Variants in GRIN2A observed in about 807,000 individuals in gnomAD.
The protein encoded by GRIN2A is glutamate ionotropic receptor NMDA type subunit 2A.
GRIN2A carries 22 observed loss-of-function variants against 113.4 expected under a neutral mutation model. The observed-to-expected ratio is 0.19, with a 90% CI of 0.14 to 0.28. The LOEUF is 0.28. Ranked by LOEUF, GRIN2A falls within the 10% of genes least tolerant of loss-of-function variation. GRIN2A has a pLI of 1.00. For synonymous variants in GRIN2A, 827 were observed against 738.4 expected, an observed-to-expected ratio of 1.12 and a Z score of -1.94; for missense variants, 1,502 against 1,887.0, an observed-to-expected ratio of 0.80 and a Z score of 3.78.
At chr16:10,088,589 A>G (rs987168312) in intron 2 of GRIN2A, among the ~76,000 whole-genome samples, 22 of 152,170 alleles carry the variant, frequency 1.4e-4, no homozygotes, top group Non-Finnish European at 3.1e-4. Flanking sequence ...TAGTGTCTGG[A>G]TATCATTAGC....
chr16:9,860,362 C>A (rs2043044121), intron 4 of GRIN2A, among the ~76,000 whole-genome samples: 1 of 143,766 alleles, frequency 7.0e-6, no homozygotes, highest in African/African-American at 2.6e-5. Flanking sequence ...GCATGAGAAT[C>A]ACTTGAACCC....
intron 9 of GRIN2A, 78 bp from the exon 10 acceptor site, chr16:9,822,502 T>G (rs1056843364): frequency 6.5e-6 from 6 of 926,422 alleles, no homozygotes; most frequent in Admixed American, 1.8e-5. Flanking sequence ...GAACAAATAA[T>G]AAATTAGTGA....
At chr16:10,170,735 G>T (rs561939212) in intron 2 of GRIN2A, among the ~76,000 whole-genome samples, 1 of 152,026 alleles carries the variant, frequency 6.6e-6, no homozygotes, top group South Asian at 2.1e-4. Context: ...AAATTAGCCG[G>T]ATATCATGGC....
chr16:9,766,045 A>T (rs1596379219), intron 12 of GRIN2A, among the ~76,000 whole-genome samples: 3 of 152,242 alleles, frequency 2.0e-5, no homozygotes, highest in African/African-American at 7.2e-5. Flanking sequence ...CGTCTGGAAC[A>T]TTTTGATCTG....
intron 2 of GRIN2A, among the ~76,000 whole-genome samples, chr16:10,083,573 T>G (rs904833077): frequency 1.3e-5 from 2 of 152,218 alleles, no homozygotes; most frequent in African/African-American, 4.8e-5. Context: ...TACTCCTGTC[T>G]GCATCCTGGA....
At chr16:9,915,673 A>G (rs139880037) in intron 3 of GRIN2A, among the ~76,000 whole-genome samples, 63 of 152,322 alleles carry the variant, frequency 4.1e-4, no homozygotes, top group Non-Finnish European at 6.9e-4. Context: ...GTACACCATC[A>G]ATGGAGGTAG....
At chr16:9,782,456 A>G (rs1901993114) in intron 11 of GRIN2A, among the ~76,000 whole-genome samples, 1 of 152,194 alleles carries the variant, frequency 6.6e-6, no homozygotes, top group Non-Finnish European at 1.5e-5. Context: ...TTTCCAAATT[A>G]AAGTGTTTAA....
chr16:9,869,572 C>G (rs1267881207), intron 4 of GRIN2A, among the ~76,000 whole-genome samples: 1 of 152,166 alleles, frequency 6.6e-6, no homozygotes, highest in Non-Finnish European at 1.5e-5. Context: ...TTGGAGTCAG[C>G]CACATCTGGA....
intron 2 of GRIN2A, chr16:10,112,030 T>C (rs2048625833): frequency 3.1e-6 from 2 of 638,464 alleles, no homozygotes; most frequent in Non-Finnish European, 5.7e-6. Flanking sequence ...CGCCATGAGC[T>C]AGTGGCCATC....
At position 10,180,477 on chromosome 16, in the gene GRIN2A, A is replaced by T; in HGVS notation, c.-18-48T>A. The T allele has an allele frequency of 1.9e-6, 3 of 1,557,562 alleles. No individual in the cohort carries two copies. Among genetic ancestry groups the T allele is most frequent in the South Asian group, 2.3e-5 (2 of 86,672 alleles). On this transcript the variant is annotated intron_variant, in intron 1 of 12. Transcript: ENST00000330684. The surrounding 1 kb of genome is among the most constrained non-coding windows in gnomAD (Gnocchi z 7.0). ...CAGGGCCGCGGTGAGCAAGGCGACCAGAAGAAAGGGATTACCAACTTGGCT... is the reference window on the plus strand; with the variant it reads ...CAGGGCCGCGGTGAGCAAGGCGACCTGAAGAAAGGGATTACCAACTTGGCT...
chr16:9,836,629 T>TCCTGCTGTC (rs1382709214), intron 7 of GRIN2A, among the ~76,000 whole-genome samples: 1 of 152,200 alleles, frequency 6.6e-6, no homozygotes, highest in Non-Finnish European at 1.5e-5. Context: ...ATCAAAGGAC[T>TCCTGCTGTC]CTGCTGCAGT....
At chr16:9,959,256 A>G (rs190215526) in intron 2 of GRIN2A, among the ~76,000 whole-genome samples, 4 of 152,196 alleles carry the variant, frequency 2.6e-5, no homozygotes, top group African/African-American at 4.8e-5. Context: ...AACATCTCCA[A>G]TCTCCTAAGA....
At chr16:9,894,560 C>T (rs1205060008) in intron 3 of GRIN2A, among the ~76,000 whole-genome samples, 2 of 152,160 alleles carry the variant, frequency 1.3e-5, no homozygotes, top group African/African-American at 4.8e-5. Flanking sequence ...CCACCTCACA[C>T]CTCTTATTGA....
At chr16:10,164,371 G>A (rs932940653) in intron 2 of GRIN2A, among the ~76,000 whole-genome samples, 10 of 152,276 alleles carry the variant, frequency 6.6e-5, no homozygotes, top group East Asian at 1.9e-4. Context: ...CAGGGTCTGC[G>A]GGACGGACCC....
At chr16:10,021,317 C>A (rs1465834726) in intron 2 of GRIN2A, among the ~76,000 whole-genome samples, 1 of 152,180 alleles carries the variant, frequency 6.6e-6, no homozygotes, top group African/African-American at 2.4e-5. Context: ...CCTGGAATCC[C>A]TCCTGGATGG....
chr16:10,180,505 C>T lies in GRIN2A; in HGVS notation c.-18-76G>A. 1 of 1,536,542 alleles carries T rather than the reference C, an allele frequency of 6.5e-7. No homozygotes were observed. The highest frequency in any genetic ancestry group is 8.7e-7 in the Non-Finnish European group (1 of 1,147,250). ...AGAAAGGGATTACCAACTTGGCTTC[C>T]TGCTCTAGGAGCCAGGCATGGAACT... On this transcript the variant is annotated intron_variant, in intron 1 of 12. Transcript: ENST00000330684. This position sits in a 1 kb window ranked among gnomAD's most constrained non-coding sequence, Gnocchi z 7.0.
In GRIN2A at chr16:9,979,808, T is replaced by TATATATATATATATATATATAC. The variant is rs2045855402; in HGVS notation, c.415-41258_415-41257insGTATATATATATATATATATAT. On this transcript the variant is annotated intron_variant, in intron 2 of 12. Transcript: ENST00000330684. The stretch of plus-strand genomic sequence containing the variant: ...GACTATATATATATATATATATATA[T>TATATATATATATATATATATAC]ATATGTATATGTATGTATTTATCTA... Among the ~76,000 whole-genome samples, 2 of 145,388 alleles carry TATATATATATATATATATATAC rather than the reference T, an allele frequency of 1.4e-5. 1 individual carries two copies. The highest frequency in any genetic ancestry group is 4.2e-4 in the East Asian group (2 of 4,786).
At chr16:10,112,174 T>C in intron 2 of GRIN2A, 1 of 586,046 alleles carries the variant, frequency 1.7e-6, no homozygotes, top group Non-Finnish European at 3.2e-6. Flanking sequence ...CTCACCTGGG[T>C]AGGCATCAAC....
chr16:10,029,362 AT>A (rs1156835608), intron 2 of GRIN2A, among the ~76,000 whole-genome samples: 3 of 151,962 alleles, frequency 2.0e-5, no homozygotes, highest in Non-Finnish European at 4.4e-5. Context: ...CACGTGGCAA[AT>A]TTTTGTATTT....
Sources: allele counts gnomAD v4.1 joint callset (sites outside exome capture counted in the v4.1 genomes callset), GRCh38; gene constraint gnomAD v4.1.1; non-coding constraint Gnocchi (gnomAD v3.1); transcripts MANE v1.5; gene names NCBI Gene and HGNC (gene_info 2026-07-23, HGNC 2026-07-21).